Variants in EXT2 observed in about 807,000 individuals in gnomAD.
The protein encoded by EXT2 is exostosin glycosyltransferase 2, also known as exostosin-2.
A neutral mutation model predicts 81.6 loss-of-function variants in EXT2; 53 were observed. The ratio of observed to expected loss-of-function variants is 0.65; its 90% CI spans 0.52 to 0.82. EXT2 has a LOEUF of 0.82. EXT2 is among the 40% of genes least tolerant of loss of function. The probability of loss-of-function intolerance (pLI) is 0.00; values close to 1 mark genes in which losing one functional copy is unlikely to be tolerated. For missense variants in EXT2, 774 were observed against 910.2 expected, an observed-to-expected ratio of 0.85 and a Z score of 1.93; for synonymous variants, 320 against 340.0, an observed-to-expected ratio of 0.94 and a Z score of 0.65.
intron 13 of EXT2, among the ~76,000 whole-genome samples, chr11:44,240,239 A>G (rs1956021286): frequency 6.6e-6 from 1 of 152,220 alleles, no homozygotes; most frequent in Non-Finnish European, 1.5e-5. Flanking sequence ...CTCTTGGGAA[A>G]TTCTGGCATT....
chr11:44,139,649 G>C (rs1443322660), intron 7 of EXT2, among the ~76,000 whole-genome samples: 1 of 152,128 alleles, frequency 6.6e-6, no homozygotes, highest in Non-Finnish European at 1.5e-5. Context: ...AATCCCGCTG[G>C]AAAGGGGAGA....
chr11:44,126,276 T>A (rs1954402653), intron 5 of EXT2, among the ~76,000 whole-genome samples: 1 of 152,240 alleles, frequency 6.6e-6, no homozygotes, highest in Non-Finnish European at 1.5e-5. Context: ...TTCAAAGGCA[T>A]TGAATTCATG....
chr11:44,238,792 G>A (rs1306157078), intron 13 of EXT2, among the ~76,000 whole-genome samples: 2 of 152,208 alleles, frequency 1.3e-5, no homozygotes, highest in Non-Finnish European at 2.9e-5. Context: ...GAAACTGAAT[G>A]GTTTGTCAAG....
At chr11:44,111,488 A>T (rs753512642) in intron 3 of EXT2, among the ~76,000 whole-genome samples, 62 of 152,230 alleles carry the variant, frequency 4.1e-4, no homozygotes, top group Admixed American at 1.6e-3. Flanking sequence ...AGCATATTTC[A>T]TGACTTATAC....
intron 5 of EXT2, 134 bp downstream of exon 5, chr11:44,125,118 T>C: frequency 2.4e-6 from 2 of 834,038 alleles, no homozygotes; most frequent in Non-Finnish European, 2.0e-6. Context: ...ATAGCATTGC[T>C]CTTTACTGGA....
chr11:44,181,533 C>T (rs9651617), intron 8 of EXT2, among the ~76,000 whole-genome samples: 139,227 of 152,210 alleles, frequency 0.91, 63,767 homozygotes, highest in East Asian at 0.99. Context: ...GTTTTTCGTA[C>T]CTTACCATCT....
chr11:44,140,965 T>G (rs900393132), intron 7 of EXT2, among the ~76,000 whole-genome samples: 44 of 152,358 alleles, frequency 2.9e-4, no homozygotes, highest in African/African-American at 1.0e-3. Flanking sequence ...CATATATAGC[T>G]GTTGATCTTG....
At chr11:44,195,543 G>T (rs1037072709) in intron 8 of EXT2, among the ~76,000 whole-genome samples, 6 of 152,152 alleles carry the variant, frequency 3.9e-5, no homozygotes, top group African/African-American at 1.4e-4. Flanking sequence ...ATTACATTAG[G>T]ACCCTAGGAA....
At chr11:44,145,891 C>G (rs781646777) in intron 7 of EXT2, among the ~76,000 whole-genome samples, 1 of 152,210 alleles carries the variant, frequency 6.6e-6, no homozygotes, top group African/African-American at 2.4e-5. Flanking sequence ...TTCTTGTTCT[C>G]AAGTGGCCAA....
At chr11:44,180,873 G>A (rs984649226) in intron 8 of EXT2, among the ~76,000 whole-genome samples, 7 of 152,238 alleles carry the variant, frequency 4.6e-5, no homozygotes, top group East Asian at 1.9e-4. Context: ...AGGCCGAGGC[G>A]GGCGGATCAC....
At chr11:44,235,473 T>C (rs533004714) in intron 12 of EXT2, among the ~76,000 whole-genome samples, 95 of 152,136 alleles carry the variant, frequency 6.2e-4, no homozygotes, top group African/African-American at 2.2e-3. Flanking sequence ...CTTGAACTCC[T>C]GAGCTCAGGC....
rs1590678759 is a variant in EXT2 at position 44,248,610 on chromosome 11, A to G, written c.*4323A>G. On this transcript the variant is annotated 3_prime_UTR_variant, in exon 14 of 14. Transcript: ENST00000533608. Reference sequence around the variant, plus strand: ...AAGTCAGGCAGGCAAGACCCACTCTAAATTTTAATGTTTCCCCCTCATTTT... The same window carrying G: ...AAGTCAGGCAGGCAAGACCCACTCTGAATTTTAATGTTTCCCCCTCATTTT... Among the ~76,000 whole-genome samples, 1 of 152,206 alleles carries G rather than the reference A, an allele frequency of 6.6e-6. No homozygotes were observed. The highest frequency in any genetic ancestry group is 1.5e-5 in the Non-Finnish European group (1 of 68,028).
intron 9 of EXT2, among the ~76,000 whole-genome samples, chr11:44,199,474 T>G (rs1425320917): frequency 6.6e-6 from 1 of 152,232 alleles, no homozygotes; most frequent in Non-Finnish European, 1.5e-5. Context: ...TGGAGTGGCC[T>G]GTTGTGTCTT....
At chr11:44,160,388 T>G (rs1954913162) in intron 7 of EXT2, among the ~76,000 whole-genome samples, 4 of 152,330 alleles carry the variant, frequency 2.6e-5, no homozygotes, top group African/African-American at 9.6e-5. Flanking sequence ...GAAAAGGTGT[T>G]GATTTCATTT....
chr11:44,099,174 G>T (rs1395696566), intron 1 of EXT2, among the ~76,000 whole-genome samples: 1 of 151,526 alleles, frequency 6.6e-6, no homozygotes, highest in South Asian at 2.1e-4. Context: ...GCTAATTTTT[G>T]GGTTTTTTTT....
In EXT2 at chr11:44,179,167, G is replaced by A. The variant is rs538848929; in HGVS notation, c.1305+7425G>A. On this transcript the variant is annotated intron_variant, in intron 8 of 13. Transcript: ENST00000533608. ...GAAAATCACAAGCCAGATCCAGATGGGGAGGATAGATAAAGAATATGAAAA... is the reference window on the plus strand; with the variant it reads ...GAAAATCACAAGCCAGATCCAGATGAGGAGGATAGATAAAGAATATGAAAA... 3.9e-5 allele frequency among the ~76,000 whole-genome samples: 6 copies of A among 152,238 alleles called. No individual in the cohort carries two copies. In the East Asian group the frequency reaches 1.2e-3, roughly 29 times the overall value.
chr11:44,096,127 C>T (rs563323146), intron 1 of EXT2: 145 of 899,100 alleles, frequency 1.6e-4, no homozygotes, highest in Admixed American at 4.4e-4. Flanking sequence ...GTTCTCCTAG[C>T]CAACCTTCGC....
chr11:44,114,291 A>G lies in EXT2; in HGVS notation c.733A>G (p.Lys245Glu). The change falls in exon 4 of 14, where the codon AAA (lysine) becomes GAA (glutamate). Residue 245 changes from lysine to glutamate, a missense_variant. Lys to Glu is a moderately conservative substitution (Grantham distance 56). Transcript: ENST00000533608. ...GTCAGCTGAGGTGGATCTTCCAGAG[A>G]AAGGACCAGGGTAAGGTACATTCAT... is the stretch of plus-strand genomic sequence containing the variant. ...PLSAEVDLPEKGPGPRQYFLL... is the reference protein window; with the variant it reads ...PLSAEVDLPEEGPGPRQYFLL... The G allele has an allele frequency of 6.2e-7, 1 of 1,613,580 alleles. No individual in the cohort carries two copies. Among genetic ancestry groups the G allele is most frequent in the Non-Finnish European group, 8.5e-7 (1 of 1,179,518 alleles).
chr11:44,171,667 C>G lies in EXT2; in HGVS notation c.1230C>G (p.Thr410=). ...FQSIKAIALA[T]LQIINDRIYP... is the part of the protein sequence containing the mutation. ...CAATTAAAGCCATTGCCCTGGCCACCCTGCAGATTATCAATGACCGGATCT... is the reference window on the plus strand; with the variant it reads ...CAATTAAAGCCATTGCCCTGGCCACGCTGCAGATTATCAATGACCGGATCT... Residue 410 remains threonine (T), a synonymous_variant, in exon 8 of 14, where the codon ACC becomes ACG. Coordinates refer to ENST00000533608, the MANE Select transcript of EXT2 (RefSeq NM_207122.2). 1 of 1,614,110 alleles carries G rather than the reference C, an allele frequency of 6.2e-7. No homozygotes were observed. The highest frequency in any genetic ancestry group is 8.5e-7 in the Non-Finnish European group (1 of 1,180,008).
Sources: gnomAD v4.1 joint callset for allele counts (sites outside exome capture counted in the v4.1 genomes callset) on GRCh38, gnomAD v4.1.1 for gene constraint, MANE v1.5 for transcripts, NCBI Gene and HGNC (gene_info 2026-07-23, HGNC 2026-07-21) for gene names.